The following PRKCH variants were observed in gnomAD, a reference collection of about 807,000 sequenced individuals.
PRKCH encodes protein kinase C eta type.
Under a neutral mutation model 82.5 loss-of-function variants are expected in PRKCH, and 28 were observed. The ratio of observed to expected loss-of-function variants is 0.34; its 90% CI spans 0.25 to 0.47. The LOEUF (loss-of-function observed/expected upper bound fraction) is 0.47, where lower values mean the gene tolerates loss of function less well. PRKCH is among the 20% of genes least tolerant of loss of function. PRKCH has a pLI of 1.00. For synonymous variants in PRKCH, 322 were observed against 327.4 expected (o/e 0.98, Z 0.18); for missense variants, 705 against 881.8 (o/e 0.80, Z 2.54).
rs561276995 is a variant in PRKCH at position 61,517,749 on chromosome 14, C to G, written c.1434-11326C>G. Among the ~76,000 whole-genome samples the G allele has an allele frequency of 3.3e-5, 5 of 152,346 alleles. No individual in the cohort carries two copies. The East Asian group carries it at 9.6e-4, about 29-fold the overall frequency. On this transcript the variant is annotated intron_variant, in intron 10 of 13. Transcript: ENST00000332981. ...TGCTTATTCTGTGCCACAGCCACCCCTGGTTGTGATTAAGATATTAATGTT... is the reference window on the plus strand; with the variant it reads ...TGCTTATTCTGTGCCACAGCCACCCGTGGTTGTGATTAAGATATTAATGTT...
chr14:61,376,873 A>G (rs1441125579), intron 1 of PRKCH, among the ~76,000 whole-genome samples: 2 of 152,204 alleles, frequency 1.3e-5, no homozygotes, highest in African/African-American at 4.8e-5. Flanking sequence ...ATGAGATACA[A>G]TTTAATTAAA....
Position 61,239,317 on chromosome 14 carries a change from G to A in PRKCH, c.-19+51649G>A, listed in dbSNP as rs186331366. On this transcript the variant is annotated intron_variant, in intron 1 of 3. Transcript: ENST00000555185. ...TTGTATTGGTTCAAACCCCGAGAGC[G>A]GGCCAACAAACAAGACAAGGTGGTG... 5.9e-5 allele frequency among the ~76,000 whole-genome samples: 9 copies of A among 152,276 alleles called. No homozygotes were observed. The East Asian group carries it at 7.7e-4, about 13-fold the overall frequency.
intron 2 of PRKCH, among the ~76,000 whole-genome samples, chr14:61,428,623 G>T (rs1883244923): frequency 6.6e-6 from 1 of 152,188 alleles, no homozygotes; most frequent in African/African-American, 2.4e-5. Context: ...TGAGCCTGGG[G>T]TGGTTTGTTG....
intron 1 of PRKCH, among the ~76,000 whole-genome samples, chr14:61,329,857 C>T (rs1289120238): frequency 1.3e-5 from 2 of 152,162 alleles, no homozygotes; most frequent in African/African-American, 2.4e-5. Context: ...CTAATGGAAG[C>T]GTGTGACACT....
rs189065852 is a variant in PRKCH, at chr14:61,514,130, C to T, written c.1434-14945C>T. Among the ~76,000 whole-genome samples the T allele has an allele frequency of 4.5e-4, 68 of 152,042 alleles. 1 individual carries two copies. Among genetic ancestry groups the T allele is most frequent in the Admixed American group, 1.4e-3 (22 of 15,284 alleles). ...CTGAAGAAAGGGAAGAATCTGTGTC[C>T]ATCAGAACATGCCGGGGATACCAGG... On this transcript the variant is annotated intron_variant, in intron 10 of 13. Transcript: ENST00000332981.
chr14:61,497,169 A>G (rs1886704932), intron 10 of PRKCH, among the ~76,000 whole-genome samples: 3 of 152,126 alleles, frequency 2.0e-5, no homozygotes, highest in Admixed American at 2.0e-4. Context: ...TAGAGCTGGC[A>G]TTGTGGATAA....
Position 61,549,889 on chromosome 14 carries a change from G to T in PRKCH, c.*58G>T. 6.4e-7 allele frequency: 1 copy of T among 1,568,758 alleles called. No individual in the cohort carries two copies. Among genetic ancestry groups the T allele is most frequent in the Admixed American group, 1.8e-5 (1 of 54,652 alleles). On this transcript the variant is annotated 3_prime_UTR_variant, in exon 14 of 14. Transcript: ENST00000332981. ...CCCAAAGGGAATAGAGATTCTCCAG[G>T]AATTTCCTCTATGGGACCTTCCCAG...
intron 1 of PRKCH, among the ~76,000 whole-genome samples, chr14:61,300,839 A>C (rs994747289): frequency 6.6e-6 from 1 of 152,142 alleles, no homozygotes; most frequent in Non-Finnish European, 1.5e-5. Context: ...CCTTTTGTCA[A>C]CCTTGTGAAT....
At chr14:61,391,451 A>T (rs563609231) in intron 2 of PRKCH, among the ~76,000 whole-genome samples, 163 bp downstream of exon 2, 4 of 152,306 alleles carry the variant, frequency 2.6e-5, no homozygotes, top group Admixed American at 2.0e-4. Context: ...CCAGTGGTCT[A>T]TTGGTTCAGG....
intron 10 of PRKCH, among the ~76,000 whole-genome samples, chr14:61,513,793 G>A (rs980426501): frequency 2.0e-5 from 3 of 152,036 alleles, no homozygotes; most frequent in South Asian, 2.1e-4. Context: ...ATGGGTCAGC[G>A]CCAGTTTGCA....
rs1468180319 is a variant in PRKCH, at chr14:61,550,049, T to C, written c.*218T>C. ...AGAAATAGTTGATAATGAAATGAGA[T>C]TTTATGAAGTATACCGCTCCACCTA... On this transcript the variant is annotated 3_prime_UTR_variant, in exon 14 of 14. Transcript: ENST00000332981. The C allele has an allele frequency of 3.9e-6, 2 of 511,616 alleles. No homozygotes were observed. Among genetic ancestry groups the C allele is most frequent in the Non-Finnish European group, 6.8e-6 (2 of 293,330 alleles). The allele number at this position is 511,616 out of a possible 1,614,324, so 31.7% of individuals were successfully genotyped here.
intron 1 of PRKCH, among the ~76,000 whole-genome samples, chr14:61,362,656 A>T (rs1022233593): frequency 6.6e-6 from 1 of 152,238 alleles, no homozygotes; most frequent in Non-Finnish European, 1.5e-5. Flanking sequence ...TGCAGTGATC[A>T]TAAGGAAAGG....
At chr14:61,269,538 C>T (rs1024470851) in intron 1 of PRKCH, among the ~76,000 whole-genome samples, 3 of 152,144 alleles carry the variant, frequency 2.0e-5, no homozygotes, top group Non-Finnish European at 4.4e-5. Flanking sequence ...CTCATGGGCC[C>T]CAGGGTGCGT....
intron 1 of PRKCH, among the ~76,000 whole-genome samples, chr14:61,368,618 CAG>C (rs1799998388): frequency 6.6e-6 from 1 of 152,146 alleles, no homozygotes; most frequent in Admixed American, 6.5e-5. Context: ...TCAGTGAAAA[CAG>C]AGCTGGCACT....
intron 1 of PRKCH, among the ~76,000 whole-genome samples, chr14:61,328,145 G>T (rs2045724989): frequency 6.6e-6 from 1 of 151,448 alleles, no homozygotes; most frequent in Admixed American, 6.6e-5. Flanking sequence ...AGCTACTCGG[G>T]AGGCTGAGGC....
intron 1 of PRKCH, among the ~76,000 whole-genome samples, chr14:61,242,394 CAT>C (rs1368780273): frequency 1.3e-5 from 2 of 152,180 alleles, no homozygotes; most frequent in Non-Finnish European, 1.5e-5. Context: ...TTATACACTG[CAT>C]ATGTTTGTTT....
At chr14:61,463,396 A>C (rs1885114369) in intron 9 of PRKCH, 2 of 152,210 alleles carry the variant, frequency 1.3e-5, no homozygotes, top group South Asian at 4.1e-4. Flanking sequence ...TCTTGGCAAA[A>C]AGGAAATAGT....
At chr14:61,529,300 C>A (rs17098729) in intron 11 of PRKCH, 87 bp downstream of exon 11, 2 of 1,470,812 alleles carry the variant, frequency 1.4e-6, no homozygotes, top group Middle Eastern at 1.8e-4. Flanking sequence ...TTATGCACTG[C>A]AGCTTTGGAG....
In PRKCH at chr14:61,547,835, C is replaced by T. The variant is rs373505351; in HGVS notation, c.1854C>T (p.Asp618=). 1.9e-6 allele frequency: 3 copies of T among 1,614,134 alleles called. No individual in the cohort carries two copies. The highest frequency in any genetic ancestry group is 2.7e-5 in the African/African-American group (2 of 75,050). ...GACATCCTTTTTTTAAGGAAATCGA[C>T]TGGGCCCAGCTGAACCATCGCCAAA... ...ILRHPFFKEI[D]WAQLNHRQIE... Residue 618 remains aspartate (D), a synonymous_variant, in exon 13 of 14, where the codon GAC becomes GAT. Coordinates refer to ENST00000332981, the MANE Select transcript of PRKCH (RefSeq NM_006255.5).
Sources: gnomAD v4.1 joint callset for allele counts (sites outside exome capture counted in the v4.1 genomes callset) on GRCh38, gnomAD v4.1.1 for gene constraint, MANE v1.5 for transcripts, NCBI Gene and HGNC (gene_info 2026-07-23, HGNC 2026-07-21) for gene names.